The following OPN3 variants were observed in gnomAD, a reference collection of about 807,000 sequenced individuals.
The protein encoded by OPN3 is opsin 3, also known as opsin-3.
OPN3 carries 29 observed loss-of-function variants against 33.8 expected under a neutral mutation model. That is an observed-to-expected ratio of 0.86 (90% CI 0.64 to 1.17). The LOEUF is 1.17. OPN3 is among the 50% of genes most tolerant of loss of function. The pLI is 0.00. For missense variants in OPN3, 437 were observed against 514.1 expected, an observed-to-expected ratio of 0.85 and a Z score of 1.45; for synonymous variants, 216 against 216.1, an observed-to-expected ratio of 1.00 and a Z score of 0.00.
chr1:241,597,806 G>C lies in OPN3; in HGVS notation c.885C>G (p.Tyr295Ter). The C allele has an allele frequency of 1.2e-6, 2 of 1,613,628 alleles. No homozygotes were observed. Among genetic ancestry groups the C allele is most frequent in the East Asian group, 4.5e-5 (2 of 44,832 alleles). ...ATACAGTGTTCGATTTAGCAAAGAGGTACGAAACAATAGATATTGTTGGAG... is the reference window on the plus strand; with the variant it reads ...ATACAGTGTTCGATTTAGCAAAGAGCTACGAAACAATAGATATTGTTGGAG... ...LVTPTISIVSYLFAKSNTVYN... is the reference protein window; with the variant it reads ...LVTPTISIVS The change falls in exon 3 of 4, where the codon TAC becomes TAG. Residue 295 changes from tyrosine (Y) to a stop codon, truncating the protein, a stop_gained. Transcript: ENST00000366554. LOFTEE classifies it high-confidence loss of function.
intron 1 of OPN3, chr1:241,633,011 G>T (rs1664706691): frequency 4.6e-5 from 7 of 152,006 alleles, no homozygotes. Flanking sequence ...GCCAGGGCAG[G>T]GCTCTGCAGA....
chr1:241,609,870 G>T (rs141704173), intron 1 of OPN3, among the ~76,000 whole-genome samples: 53 of 152,318 alleles, frequency 3.5e-4, no homozygotes, highest in South Asian at 8.3e-4. Context: ...CACTACAGGG[G>T]ATGGCGCAAA....
At chr1:241,618,505 C>T (rs1664194427) in intron 1 of OPN3, among the ~76,000 whole-genome samples, 1 of 152,218 alleles carries the variant, frequency 6.6e-6, no homozygotes, top group African/African-American at 2.4e-5. Flanking sequence ...AGGTTTTCCT[C>T]AATTCCCATC....
intron 1 of OPN3, among the ~76,000 whole-genome samples, chr1:241,620,646 G>A (rs1337089271): frequency 1.3e-5 from 2 of 152,080 alleles, no homozygotes; most frequent in East Asian, 3.8e-4. Flanking sequence ...CCACTTTAGG[G>A]TATTTTGTTA....
At chr1:241,607,155 C>T (rs980201565) in intron 1 of OPN3, among the ~76,000 whole-genome samples, 1 of 152,110 alleles carries the variant, frequency 6.6e-6, no homozygotes, top group Non-Finnish European at 1.5e-5. Flanking sequence ...GCGAAATTTA[C>T]TAAATACTCA....
chr1:241,594,525 A>G lies in OPN3; in HGVS notation c.1112T>C (p.Ile371Thr). 2 of 1,614,138 alleles carry G rather than the reference A, an allele frequency of 1.2e-6. No homozygotes were observed. ...TTCATCACTGGTGATGATAAAAATGATGGAAGAAGAGTTGAAAGTCACTTT... is the reference window on the plus strand; with the variant it reads ...TTCATCACTGGTGATGATAAAAATGGTGGAAGAAGAGTTGAAAGTCACTTT... The part of the protein sequence containing the change: ...KKKVTFNSSS[I>T]IFIITSDESL... The change falls in exon 4 of 4, where the codon ATC (isoleucine) becomes ACC (threonine). Residue 371 changes from isoleucine to threonine, a missense_variant. Physicochemically the swap from Ile to Thr is moderately conservative, Grantham distance 89. Coordinates refer to ENST00000366554, the MANE Select transcript of OPN3 (RefSeq NM_014322.3).
chr1:241,604,626 C>G, intron 1 of OPN3, 47 bp from the exon 2 acceptor site: 1 of 1,528,444 alleles, frequency 6.5e-7, no homozygotes, highest in Non-Finnish European at 8.9e-7. Flanking sequence ...CAGGGGGAAA[C>G]CGGGCATAAG....
In OPN3 at chr1:241,617,317, T is replaced by C. The variant is rs147121533; in HGVS notation, c.374-12738A>G. Among the ~76,000 whole-genome samples, 172 of 152,350 alleles carry C rather than the reference T, an allele frequency of 1.1e-3. 1 individual carries two copies. The highest frequency in any genetic ancestry group is 3.9e-3 in the African/African-American group (162 of 41,582). On this transcript the variant is annotated intron_variant, in intron 1 of 3. Coordinates refer to ENST00000366554, the MANE Select transcript of OPN3 (RefSeq NM_014322.3). ...CAGCAATGGCGAAGCTTGAGGTCTT[T>C]TTAATTCTATGAAAACATTCAACAC...
intron 1 of OPN3, among the ~76,000 whole-genome samples, chr1:241,621,942 G>T (rs926995173): frequency 3.9e-5 from 6 of 152,124 alleles, no homozygotes; most frequent in Non-Finnish European, 7.4e-5. Context: ...TGAATGATTT[G>T]CTTGGTGGTA....
rs372881168 is a variant in OPN3, at chr1:241,597,809, C to T, written c.882G>A (p.Ser294=). ...HLVTPTISIV[S]YLFAKSNTVY... is the part of the protein sequence containing the mutation. The stretch of plus-strand genomic sequence containing the variant: ...CAGTGTTCGATTTAGCAAAGAGGTA[C>T]GAAACAATAGATATTGTTGGAGTGA... The change falls in exon 3 of 4, where the codon TCG becomes TCA. Residue 294 remains serine, a synonymous_variant. Transcript: ENST00000366554. 83 of 1,613,536 alleles carry T rather than the reference C, an allele frequency of 5.1e-5. No individual in the cohort carries two copies. The highest frequency in any genetic ancestry group is 2.4e-4 in the African/African-American group (18 of 74,882).
At chr1:241,628,792 T>C (rs1165952734) in intron 1 of OPN3, 1 of 152,234 alleles carries the variant, frequency 6.6e-6, no homozygotes, top group Non-Finnish European at 1.5e-5. Context: ...TAGAAATGTA[T>C]ATTTTAATTT....
chr1:241,640,055 T>A lies in OPN3; in HGVS notation c.200A>T (p.Tyr67Phe). 6.2e-7 allele frequency: 1 copy of A among 1,612,484 alleles called. No individual in the cohort carries two copies. Among genetic ancestry groups the A allele is most frequent in the Non-Finnish European group, 8.5e-7 (1 of 1,179,398 alleles). ...GGGAGTGCGGAGCCGCTGGAACTTG[T>A]AGTAGAGGACGAGCACCAGCAGGTT... ...GNNLLVLVLYYKFQRLRTPTH... is the reference protein window; with the variant it reads ...GNNLLVLVLYFKFQRLRTPTH... The change falls in exon 1 of 4, where the codon TAC (tyrosine) becomes TTC (phenylalanine). Residue 67 changes from tyrosine to phenylalanine, a missense_variant. Coordinates refer to ENST00000366554, the MANE Select transcript of OPN3 (RefSeq NM_014322.3).
rs1553355669 is a variant in OPN3, at chr1:241,623,104, A to AAC, written c.373+16777_373+16778insGT. ...AAAAAACAAAAAACAAAAAACAAAA[A>AAC]AAACAAACAAAAAAAACTCTTTCTG... On this transcript the variant is annotated intron_variant, in intron 1 of 3. Transcript: ENST00000366554. Among the ~76,000 whole-genome samples the AAC allele has an allele frequency of 4.0e-5, 6 of 151,626 alleles. No homozygotes were observed. In the East Asian group the frequency reaches 1.2e-3, roughly 29 times the overall value.
chr1:241,598,121 C>A, intron 2 of OPN3, 124 bp from the exon 3 acceptor site: 1 of 1,102,418 alleles, frequency 9.1e-7, no homozygotes, highest in South Asian at 1.7e-5. Flanking sequence ...AACTGAATGG[C>A]ACCTTGGCAG....
rs780824624 is a variant in OPN3, at chr1:241,594,677, A to C, written c.960T>G (p.Leu320=). Residue 320 remains leucine, a synonymous_variant, in exon 4 of 4, where the codon CTT becomes CTG. Transcript: ENST00000366554. ...GCAGTCGGAGGCACAGAAGCTGCAA[A>C]AGGGATCTTCGAAACTGGGCAGAGA... The part of the protein sequence containing the change: ...VFMIRKFRRS[L]LQLLCLRLLR... 1 of 1,613,626 alleles carries C rather than the reference A, an allele frequency of 6.2e-7. No individual in the cohort carries two copies. The highest frequency in any genetic ancestry group is 8.5e-7 in the Non-Finnish European group (1 of 1,179,814).
intron 1 of OPN3, 28 bp from the exon 2 acceptor site, chr1:241,604,607 A>T: frequency 6.3e-7 from 1 of 1,586,960 alleles, no homozygotes; most frequent in Non-Finnish European, 8.6e-7. Context: ...GGAAAAGTAT[A>T]GCATGGTGCA....
At chr1:241,595,922 G>A (rs1390888869) in intron 3 of OPN3, among the ~76,000 whole-genome samples, 1 of 152,112 alleles carries the variant, frequency 6.6e-6, no homozygotes, top group Non-Finnish European at 1.5e-5. Flanking sequence ...CATATAAATG[G>A]TAAGCTCTTT....
chr1:241,611,732 G>A (rs906823316), intron 1 of OPN3, among the ~76,000 whole-genome samples: 10 of 152,280 alleles, frequency 6.6e-5, no homozygotes, highest in Admixed American at 5.9e-4. Flanking sequence ...TGTCCCGAGG[G>A]CTCTGAGGAG....
intron 1 of OPN3, chr1:241,634,241 T>C (rs1312758090): frequency 1.9e-6 from 3 of 1,613,988 alleles, no homozygotes; most frequent in South Asian, 1.1e-5. Flanking sequence ...ACATGTCAAA[T>C]GTACCAGATA....
Sources: allele counts gnomAD v4.1 joint callset (sites outside exome capture counted in the v4.1 genomes callset), GRCh38; gene constraint gnomAD v4.1.1; transcripts MANE v1.5; gene names NCBI Gene and HGNC (gene_info 2026-07-23, HGNC 2026-07-21).